Variants in SLC9B1 observed in about 807,000 individuals in gnomAD.
The protein encoded by SLC9B1 is solute carrier family 9 member B1.
SLC9B1 carries 32 observed loss-of-function variants against 51.7 expected under a neutral mutation model. That is an observed-to-expected ratio of 0.62 (90% CI 0.47 to 0.83). The LOEUF (loss-of-function observed/expected upper bound fraction) is 0.83. Among genes scored for constraint, SLC9B1 ranks in the 40% least tolerant of loss-of-function variants. The pLI is 0.00. For missense variants in SLC9B1, 406 were observed against 613.2 expected (o/e 0.66, Z 3.57); for synonymous variants, 145 against 212.7 (o/e 0.68, Z 2.77).
At chr4:102,943,497 GTGTA>G (rs1319018681) in intron 6 of SLC9B1, among the ~76,000 whole-genome samples, 7 of 85,278 alleles carry the variant, frequency 8.2e-5, no homozygotes, top group Non-Finnish European at 1.2e-4. Flanking sequence ...GTGTATATAT[GTGTA>G]TGTATACACA....
rs1039028967 is a variant in SLC9B1 at position 102,986,863 on chromosome 4, T to G, written c.211+2937A>C. On this transcript the variant is annotated intron_variant, in intron 3 of 11. Transcript: ENST00000296422. The stretch of plus-strand genomic sequence containing the variant: ...TTTATAATACTCATCTGTTCTTACA[T>G]GTTTTCTATTTTTTTCCGTTAGAGA... Among the ~76,000 whole-genome samples the G allele has an allele frequency of 2.6e-5, 4 of 152,186 alleles. No individual in the cohort carries two copies. In the South Asian group the frequency reaches 8.3e-4, roughly 31 times the overall value.
Position 102,932,118 on chromosome 4 carries a change from G to A in SLC9B1, c.829+6C>T. ...GATCTAGTGGTTGTTATATTTTCTT[G>A]TTTACCTGAGGAAAAGACTATGCTC... On this transcript the variant is annotated splice_donor_region_variant and intron_variant, in intron 7 of 11. Transcript: ENST00000296422. 6.2e-7 allele frequency: 1 copy of A among 1,611,574 alleles called. No homozygotes were observed. The highest frequency in any genetic ancestry group is 8.5e-7 in the Non-Finnish European group (1 of 1,179,574).
chr4:102,911,575 G>C, intron 7 of SLC9B1, 38 bp from the exon 8 acceptor site: 1 of 1,317,262 alleles, frequency 7.6e-7, no homozygotes, highest in Non-Finnish European at 1.1e-6. Flanking sequence ...TCACAAAGAA[G>C]TATCTTCACA....
chr4:102,954,708 A>T (rs1281176385), intron 3 of SLC9B1, among the ~76,000 whole-genome samples: 1 of 152,180 alleles, frequency 6.6e-6, no homozygotes, highest in Non-Finnish European at 1.5e-5. Context: ...TACCAGGGAA[A>T]AATCTACTGA....
At chr4:102,917,936 G>T (rs1161430087) in intron 7 of SLC9B1, among the ~76,000 whole-genome samples, 1 of 151,896 alleles carries the variant, frequency 6.6e-6, no homozygotes, top group Admixed American at 6.6e-5. Flanking sequence ...AGGCATGGTG[G>T]TGCATGCCTG....
intron 4 of SLC9B1, 47 bp downstream of exon 4, chr4:102,949,210 T>C: frequency 7.3e-7 from 1 of 1,371,276 alleles, no homozygotes; most frequent in Non-Finnish European, 9.9e-7. Flanking sequence ...TGTTCAACAT[T>C]TGCATATAGT....
At chr4:102,965,542 C>T (rs1738377465) in intron 3 of SLC9B1, among the ~76,000 whole-genome samples, 1 of 152,182 alleles carries the variant, frequency 6.6e-6, no homozygotes, top group Admixed American at 6.5e-5. Flanking sequence ...ATGACCCAAG[C>T]ATCTCCCATT....
intron 7 of SLC9B1, among the ~76,000 whole-genome samples, chr4:102,924,039 A>C (rs1736025487): frequency 6.6e-6 from 1 of 152,242 alleles, no homozygotes. Context: ...CTTTCTTCAC[A>C]GAATTGGAAA....
At chr4:102,913,111 T>C (rs751706911) in intron 7 of SLC9B1, among the ~76,000 whole-genome samples, 2 of 152,204 alleles carry the variant, frequency 1.3e-5, no homozygotes, top group African/African-American at 2.4e-5. Context: ...TTCCCCAAGC[T>C]GGAACAGGTT....
intron 3 of SLC9B1, among the ~76,000 whole-genome samples, chr4:102,955,861 G>GAAAT (rs1299311088): frequency 7.9e-6 from 1 of 126,504 alleles, no homozygotes; most frequent in South Asian, 2.6e-4. Flanking sequence ...AAGAAAGAAA[G>GAAAT]AAAGAAAGAA....
At chr4:102,901,537 G>A (rs1030438154) in intron 11 of SLC9B1, among the ~76,000 whole-genome samples, 1 of 152,142 alleles carries the variant, frequency 6.6e-6, no homozygotes, top group Non-Finnish European at 1.5e-5. Flanking sequence ...TGACAAATCA[G>A]CAGGCAAACA....
intron 3 of SLC9B1, among the ~76,000 whole-genome samples, chr4:102,967,068 C>T (rs975813133): frequency 3.9e-5 from 6 of 152,218 alleles, no homozygotes; most frequent in Non-Finnish European, 7.3e-5. Flanking sequence ...TCTCCAGTTC[C>T]TAATACCTTG....
chr4:102,979,724 G>A (rs1739256769), intron 3 of SLC9B1, among the ~76,000 whole-genome samples: 2 of 152,046 alleles, frequency 1.3e-5, no homozygotes, highest in Admixed American at 1.3e-4. Context: ...TTTTTAATAG[G>A]CTTTATTTTT....
At chr4:102,986,130 T>C (rs1349272940) in intron 3 of SLC9B1, among the ~76,000 whole-genome samples, 2 of 152,172 alleles carry the variant, frequency 1.3e-5, no homozygotes, top group Non-Finnish European at 1.5e-5. Flanking sequence ...TCTTTTAACA[T>C]CTCTTGCAAG....
chr4:102,975,233 T>G (rs1474875822), intron 3 of SLC9B1, among the ~76,000 whole-genome samples: 1 of 152,144 alleles, frequency 6.6e-6, no homozygotes, highest in Non-Finnish European at 1.5e-5. Context: ...AGCCTCAAAC[T>G]CTTGGCTTCA....
chr4:102,925,146 G>C (rs1342943877), intron 7 of SLC9B1, among the ~76,000 whole-genome samples: 1 of 152,100 alleles, frequency 6.6e-6, no homozygotes, highest in East Asian at 1.9e-4. Context: ...TAAAGACTTG[G>C]AACCAACCCA....
chr4:102,898,935 A>T (rs1297026042), downstream of SLC9B1, among the ~76,000 whole-genome samples: 1 of 151,622 alleles, frequency 6.6e-6, no homozygotes, highest in African/African-American at 2.4e-5. Flanking sequence ...GTATTTTTGT[A>T]TTTCACCATG....
intron 1 of SLC9B1, among the ~76,000 whole-genome samples, chr4:103,003,782 G>A (rs951696809): frequency 4.6e-5 from 7 of 152,190 alleles, no homozygotes; most frequent in South Asian, 2.1e-4. Context: ...ACAGAGCTAG[G>A]GGCCTGGTTT....
chr4:102,905,228 TA>T (rs1349577553), intron 11 of SLC9B1, among the ~76,000 whole-genome samples: 3 of 151,584 alleles, frequency 2.0e-5, no homozygotes, highest in African/African-American at 7.3e-5. Context: ...TTTATTTATT[TA>T]TTTATTTTTT....
Sources: gnomAD v4.1 joint callset for allele counts (sites outside exome capture counted in the v4.1 genomes callset) on GRCh38, gnomAD v4.1.1 for gene constraint, MANE v1.5 for transcripts, NCBI Gene and HGNC (gene_info 2026-07-23, HGNC 2026-07-21) for gene names.